Variants in IL23R observed in about 807,000 individuals in gnomAD.
IL23R encodes interleukin-23 receptor.
A neutral mutation model predicts 56.9 loss-of-function variants in IL23R; 34 were observed. That is an observed-to-expected ratio of 0.60 (90% CI 0.45 to 0.80). The LOEUF is 0.80. Among genes scored for constraint, IL23R ranks in the 30% least tolerant of loss-of-function variants. IL23R has a pLI of 0.00. For synonymous variants in IL23R, 230 were observed against 249.2 expected, an observed-to-expected ratio of 0.92 and a Z score of 0.73; for missense variants, 635 against 730.0, an observed-to-expected ratio of 0.87 and a Z score of 1.50.
At chr1:67,215,710 G>A (rs559696779) in intron 6 of IL23R, among the ~76,000 whole-genome samples, 1 of 152,292 alleles carries the variant, frequency 6.6e-6, no homozygotes, top group African/African-American at 2.4e-5. Context: ...GTGAGGAGAG[G>A]AAGATGGTAG....
At chr1:67,152,166 G>A (rs765645404) in intron 1 of IL23R, among the ~76,000 whole-genome samples, 1 of 152,148 alleles carries the variant, frequency 6.6e-6, no homozygotes, top group Non-Finnish European at 1.5e-5. Flanking sequence ...TCTCCTTGAA[G>A]AGGTCCTTCA....
chr1:67,141,843 G>A (rs114115271), intron 1 of IL23R, among the ~76,000 whole-genome samples: 1,743 of 152,160 alleles, frequency 0.011, 34 homozygotes, highest in African/African-American at 0.04. Context: ...CATCCAAAGG[G>A]CTGAGACCCA....
Position 67,226,652 on chromosome 1 carries a change from C to G in IL23R, c.955+6922C>G, listed in dbSNP as rs72676089. Among the ~76,000 whole-genome samples, 522 of 152,230 alleles carry G rather than the reference C, an allele frequency of 3.4e-3. 3 individuals carry two copies. Among genetic ancestry groups the G allele is most frequent in the African/African-American group, 0.012 (489 of 41,526 alleles). On this transcript the variant is annotated intron_variant, in intron 7 of 10. Coordinates refer to ENST00000347310, the MANE Select transcript of IL23R (RefSeq NM_144701.3). The stretch of plus-strand genomic sequence containing the variant: ...CAGGCCAAAAGGCAACTTTTGAGCA[C>G]GAAAACAAGAATGCCTGCTTCTATT...
chr1:67,154,931 T>G (rs1646758903), intron 1 of IL23R, among the ~76,000 whole-genome samples: 2 of 152,210 alleles, frequency 1.3e-5, no homozygotes, highest in South Asian at 4.1e-4. Context: ...TGGTACTGGT[T>G]TTTTTCTTTC....
intron 3 of IL23R, among the ~76,000 whole-genome samples, chr1:67,174,081 C>T (rs1646978992): frequency 1.3e-5 from 2 of 152,030 alleles, no homozygotes; most frequent in Admixed American, 1.3e-4. Flanking sequence ...AGTTTGTTTA[C>T]AATTTTTTCA....
intron 1 of IL23R, among the ~76,000 whole-genome samples, chr1:67,140,765 T>G (rs4655681): frequency 0.84 from 127,535 of 152,026 alleles, 53,900 homozygotes; most frequent in East Asian, 1. Context: ...ATTTAAAAGT[T>G]GATAATAACA....
chr1:67,205,444 C>T (rs553858414), intron 5 of IL23R, among the ~76,000 whole-genome samples: 21 of 152,148 alleles, frequency 1.4e-4, no homozygotes, highest in Non-Finnish European at 2.8e-4. Flanking sequence ...ACCACGCCTA[C>T]AGGCCCTTGA....
chr1:67,263,150 G>T (rs1653266105), downstream of IL23R, among the ~76,000 whole-genome samples: 1 of 130,538 alleles, frequency 7.7e-6, no homozygotes, highest in African/African-American at 2.9e-5. Context: ...CACCCAGGCT[G>T]GTGCACAATC....
intron 6 of IL23R, among the ~76,000 whole-genome samples, chr1:67,214,120 A>G (rs1297859119): frequency 1.3e-5 from 2 of 152,232 alleles, no homozygotes; most frequent in Admixed American, 6.5e-5. Flanking sequence ...GTAATGCACT[A>G]TGATCCCACC....
chr1:67,218,420 G>A (rs1306141284), intron 6 of IL23R, among the ~76,000 whole-genome samples: 8 of 150,250 alleles, frequency 5.3e-5, no homozygotes, highest in African/African-American at 1.5e-4. Flanking sequence ...CTGCAATGAG[G>A]ACCAACTTAC....
chr1:67,146,445 C>T (rs542284363), intron 1 of IL23R, among the ~76,000 whole-genome samples: 1 of 152,134 alleles, frequency 6.6e-6, no homozygotes, highest in Non-Finnish European at 1.5e-5. Flanking sequence ...CACTGTGAAA[C>T]AGCCTTTAAT....
intron 9 of IL23R, among the ~76,000 whole-genome samples, chr1:67,241,947 A>C (rs1651883336): frequency 6.6e-6 from 1 of 152,202 alleles, no homozygotes; most frequent in Admixed American, 6.5e-5. Flanking sequence ...TTCTCCATAC[A>C]TCATAAGTGC....
chr1:67,241,756 G>T (rs1211821920), intron 9 of IL23R, among the ~76,000 whole-genome samples: 1 of 152,120 alleles, frequency 6.6e-6, no homozygotes, highest in Non-Finnish European at 1.5e-5. Context: ...ATTACTATTA[G>T]GACTATTGGG....
At chr1:67,151,157 T>G (rs940780762) in intron 1 of IL23R, among the ~76,000 whole-genome samples, 1 of 152,210 alleles carries the variant, frequency 6.6e-6, no homozygotes, top group Non-Finnish European at 1.5e-5. Context: ...CTGACTGGTG[T>G]GTAATGGTAA....
chr1:67,202,262 C>T (rs1307261712), intron 5 of IL23R, among the ~76,000 whole-genome samples: 1 of 152,174 alleles, frequency 6.6e-6, no homozygotes, highest in African/African-American at 2.4e-5. Flanking sequence ...AGTGCAGTTG[C>T]ACAATCTCGG....
chr1:67,180,008 T>C (rs9672636), intron 3 of IL23R, among the ~76,000 whole-genome samples: 1 of 152,204 alleles, frequency 6.6e-6, no homozygotes, highest in Non-Finnish European at 1.5e-5. Flanking sequence ...TTCTGTTTTT[T>C]TACATTTGCT....
At chr1:67,259,990 A>AG (rs1653147172), downstream of IL23R, 2 of 150,788 alleles carry the variant, frequency 1.3e-5, no homozygotes, top group South Asian at 2.1e-4. Flanking sequence ...AAAAAAAAAA[A>AG]GAATAACTAA....
At chr1:67,195,020 G>A (rs991474830) in intron 4 of IL23R, among the ~76,000 whole-genome samples, 85 of 152,186 alleles carry the variant, frequency 5.6e-4, no homozygotes, top group Non-Finnish European at 1.1e-3. Context: ...ATGTGTCAAA[G>A]TCACATATCA....
chr1:67,165,208 CAAAACA>C (rs765808747), upstream of IL23R, among the ~76,000 whole-genome samples: 2 of 151,868 alleles, frequency 1.3e-5, no homozygotes, highest in Non-Finnish European at 2.9e-5. Flanking sequence ...GACTCTGTCT[CAAAACA>C]AAAACAAAAA....
Sources: gnomAD v4.1 joint callset for allele counts (sites outside exome capture counted in the v4.1 genomes callset) on GRCh38, gnomAD v4.1.1 for gene constraint, MANE v1.5 for transcripts, NCBI Gene and HGNC (gene_info 2026-07-23, HGNC 2026-07-21) for gene names.